Variants in TRAPPC9 observed in about 807,000 individuals in gnomAD.
The protein encoded by TRAPPC9 is trafficking protein particle complex subunit 9, also known as IKK2 binding protein.
TRAPPC9 carries 83 observed loss-of-function variants against 124.0 expected under a neutral mutation model. The observed-to-expected ratio is 0.67, with a 90% confidence interval of 0.56 to 0.80. TRAPPC9 has a LOEUF of 0.80. TRAPPC9 is among the 30% of genes least tolerant of loss of function. The pLI is 0.00. For missense variants in TRAPPC9, 1,302 were observed against 1,508.3 expected (o/e 0.86, Z 2.27); for synonymous variants, 638 against 617.5 (o/e 1.03, Z -0.49).
chr8:140,139,819 C>A (rs7006969), intron 17 of TRAPPC9, among the ~76,000 whole-genome samples: 69,781 of 151,780 alleles, frequency 0.46, 16,162 homozygotes, highest in Middle Eastern at 0.52. Context: ...TGTCGCATTT[C>A]TCATTCTGAG....
Position 140,048,624 on chromosome 8 carries a change from A to C in TRAPPC9, c.2557-24545T>G, listed in dbSNP as rs6578062. On this transcript the variant is annotated intron_variant, in intron 17 of 22. Transcript: ENST00000438773. ...TGCGGAGGGACAGGGTTTTCATCTA[A>C]CTGAAGCCCCAAACACAAATTCTAA... is the stretch of plus-strand genomic sequence containing the variant. 5.3e-3 allele frequency among the ~76,000 whole-genome samples: 809 copies of C among 152,084 alleles called. 5 individuals are homozygous for C. Among genetic ancestry groups the C allele is most frequent in the Non-Finnish European group, 5.8e-3 (392 of 67,982 alleles).
rs141920068 is a variant in TRAPPC9, at chr8:139,915,959, A to G, written c.2811-5659T>C. Among the ~76,000 whole-genome samples the G allele has an allele frequency of 3.3e-5, 5 of 152,342 alleles. No homozygotes were observed. In the East Asian group the frequency reaches 7.7e-4, roughly 23 times the overall value. On this transcript the variant is annotated intron_variant, in intron 19 of 22. Coordinates refer to ENST00000438773, the MANE Select transcript of TRAPPC9 (RefSeq NM_001160372.4). ...GTGTGAATGCACTTGGCACTTTGAA[A>G]TGCTCTCTAGAGATTCGCTAAAGGG...
chr8:139,923,103 G>A (rs1832607495), intron 19 of TRAPPC9, among the ~76,000 whole-genome samples: 1 of 106,766 alleles, frequency 9.4e-6, no homozygotes, highest in African/African-American at 3.1e-5. Flanking sequence ...AGGGTCCTGG[G>A]ATGCCATCCG....
intron 17 of TRAPPC9, among the ~76,000 whole-genome samples, chr8:140,207,293 T>C (rs2062949090): frequency 1.3e-5 from 2 of 152,242 alleles, no homozygotes; most frequent in Non-Finnish European, 2.9e-5. Context: ...CCCTCCTTCA[T>C]TCTGCCTGTT....
intron 17 of TRAPPC9, among the ~76,000 whole-genome samples, chr8:140,220,524 C>T (rs945204192): frequency 3.9e-5 from 6 of 152,208 alleles, no homozygotes; most frequent in Non-Finnish European, 4.4e-5. Context: ...GGAGAGGACT[C>T]TTCCCCTAAA....
intron 17 of TRAPPC9, among the ~76,000 whole-genome samples, chr8:140,116,867 TTCAGTGAGTAGGC>T (rs2060897963): frequency 7.6e-6 from 1 of 131,250 alleles, no homozygotes; most frequent in African/African-American, 3.7e-5. Context: ...GTAGGCGGAG[TTCAGTGAGTAGGC>T]GGAGTTCAGT....
At chr8:140,398,808 ATAAG>A (rs2069167272) in intron 6 of TRAPPC9, among the ~76,000 whole-genome samples, 1 of 152,270 alleles carries the variant, frequency 6.6e-6, no homozygotes, top group Admixed American at 6.5e-5. Context: ...GGTAATTTGC[ATAAG>A]TAAGAGGCAG....
At chr8:139,744,890 G>C (rs994262421) in intron 21 of TRAPPC9, among the ~76,000 whole-genome samples, 2 of 152,238 alleles carry the variant, frequency 1.3e-5, no homozygotes, top group Non-Finnish European at 2.9e-5. Flanking sequence ...GCAAAATGAA[G>C]TTGGAGAGGA....
chr8:139,809,622 C>T (rs1204037110), intron 21 of TRAPPC9, among the ~76,000 whole-genome samples: 25 of 152,156 alleles, frequency 1.6e-4, no homozygotes, highest in Admixed American at 1.6e-3. Flanking sequence ...CCTCCAGAGC[C>T]TGGCCTCCTG....
chr8:140,452,630 T>C (rs1181424040), intron 1 of TRAPPC9, among the ~76,000 whole-genome samples: 1 of 152,040 alleles, frequency 6.6e-6, no homozygotes. Context: ...GAAAACGTTA[T>C]TACCTGATTC....
At chr8:139,851,697 G>A (rs150408905) in intron 21 of TRAPPC9, among the ~76,000 whole-genome samples, 175 of 152,268 alleles carry the variant, frequency 1.1e-3, no homozygotes, top group African/African-American at 3.7e-3. Context: ...AAGGTCCCGC[G>A]GACTCACGGC....
intron 17 of TRAPPC9, chr8:140,095,023 T>G (rs1844839641): frequency 6.6e-6 from 1 of 152,374 alleles, no homozygotes; most frequent in East Asian, 1.9e-4. Flanking sequence ...TGATTAGAAT[T>G]GGATTTCCAG....
chr8:140,075,598 C>T (rs1247431268), intron 17 of TRAPPC9, among the ~76,000 whole-genome samples: 1 of 152,226 alleles, frequency 6.6e-6, no homozygotes, highest in Non-Finnish European at 1.5e-5. Flanking sequence ...CTGCCACCAC[C>T]ATCATCAGCT....
At chr8:140,320,184 T>G (rs572613077) in intron 9 of TRAPPC9, among the ~76,000 whole-genome samples, 1 of 152,194 alleles carries the variant, frequency 6.6e-6, no homozygotes, top group African/African-American at 2.4e-5. Context: ...CAGTTAGTAT[T>G]TGAATGGTTT....
intron 20 of TRAPPC9, among the ~76,000 whole-genome samples, chr8:139,896,508 A>T (rs1563903082): frequency 6.6e-6 from 1 of 152,194 alleles, no homozygotes; most frequent in Non-Finnish European, 1.5e-5. Context: ...TTTCATTTCA[A>T]AGATTTTTCT....
chr8:139,863,471 G>T (rs935174885), intron 21 of TRAPPC9, among the ~76,000 whole-genome samples: 1 of 152,226 alleles, frequency 6.6e-6, no homozygotes, highest in Non-Finnish European at 1.5e-5. Context: ...TGCTGGGGAT[G>T]CTGCCCCAGG....
intron 16 of TRAPPC9, among the ~76,000 whole-genome samples, chr8:140,249,566 T>C (rs1342294716): frequency 2.6e-5 from 4 of 151,824 alleles, no homozygotes; most frequent in Non-Finnish European, 5.9e-5. Context: ...TTCACCCTAT[T>C]AAAGTAAGTG....
At chr8:140,335,738 G>A (rs755259052) in intron 9 of TRAPPC9, among the ~76,000 whole-genome samples, 97 of 127,868 alleles carry the variant, frequency 7.6e-4, no homozygotes, top group Non-Finnish European at 1.3e-3. Context: ...ACAGGGTCTC[G>A]CTTTGTCACC....
chr8:140,090,377 G>T (rs1323387475), intron 17 of TRAPPC9, among the ~76,000 whole-genome samples: 1 of 152,116 alleles, frequency 6.6e-6, no homozygotes, highest in Non-Finnish European at 1.5e-5. Flanking sequence ...TCAGACCGAG[G>T]GCTGAGAGAA....
Sources: gnomAD v4.1 joint callset for allele counts (sites outside exome capture counted in the v4.1 genomes callset) on GRCh38, gnomAD v4.1.1 for gene constraint, MANE v1.5 for transcripts, NCBI Gene and HGNC (gene_info 2026-07-23, HGNC 2026-07-21) for gene names.